ATXN1: variants seen among roughly 807,000 people sequenced by gnomAD.
ATXN1 encodes ataxin 1.
Under a neutral mutation model 56.4 loss-of-function variants are expected in ATXN1, and 8 were observed. The ratio of observed to expected loss-of-function variants is 0.14; its 90% CI spans 0.08 to 0.26. The LOEUF (loss-of-function observed/expected upper bound fraction) is 0.26, where lower values mean the gene tolerates loss of function less well. Among genes scored for constraint, ATXN1 ranks in the 10% least tolerant of loss-of-function variants. ATXN1 has a pLI of 1.00. For synonymous variants in ATXN1, 514 were observed against 494.6 expected (o/e 1.04, Z -0.52); for missense variants, 987 against 1,106.5 (o/e 0.89, Z 1.53).
At chr6:16,478,159 A>G (rs1760365490) in intron 6 of ATXN1, among the ~76,000 whole-genome samples, 1 of 152,214 alleles carries the variant, frequency 6.6e-6, no homozygotes, top group African/African-American at 2.4e-5. Flanking sequence ...TGTCCCCTAT[A>G]GCAAGTGACC....
At chr6:16,657,119 G>A (rs1758220768) in intron 3 of ATXN1, among the ~76,000 whole-genome samples, 1 of 151,322 alleles carries the variant, frequency 6.6e-6, no homozygotes, top group African/African-American at 2.4e-5. Context: ...AAGTAGCTGG[G>A]ACTACAAGCG....
At chr6:16,750,107 A>G (rs1340694943) in intron 2 of ATXN1, 1 of 152,220 alleles carries the variant, frequency 6.6e-6, no homozygotes, top group East Asian at 1.9e-4. Context: ...GTCTTTCCTG[A>G]TCACTCCTAC....
intron 3 of ATXN1, among the ~76,000 whole-genome samples, chr6:16,654,361 T>G (rs988009638): frequency 6.6e-6 from 1 of 152,024 alleles, no homozygotes; most frequent in African/African-American, 2.4e-5. Flanking sequence ...CTGGCCAACA[T>G]GGTGAAACCC....
intron 6 of ATXN1, among the ~76,000 whole-genome samples, chr6:16,467,199 C>T (rs1181571266): frequency 2.0e-5 from 3 of 152,142 alleles, no homozygotes; most frequent in Non-Finnish European, 2.9e-5. Context: ...ACTCTGGAGG[C>T]GCTTTCTTGA....
At chr6:16,390,299 T>C (rs1211264800) in intron 6 of ATXN1, among the ~76,000 whole-genome samples, 1 of 152,218 alleles carries the variant, frequency 6.6e-6, no homozygotes, top group Non-Finnish European at 1.5e-5. Context: ...TCAGTATCTG[T>C]TGTCCTATCA....
At chr6:16,590,776 C>CCT (rs1475331421) in intron 3 of ATXN1, among the ~76,000 whole-genome samples, 1 of 151,670 alleles carries the variant, frequency 6.6e-6, no homozygotes, top group East Asian at 1.9e-4. Context: ...CTCAGGTGGT[C>CCT]CTCTCACCTC....
intron 2 of ATXN1, among the ~76,000 whole-genome samples, chr6:16,714,673 T>C (rs890099779): frequency 1.3e-5 from 2 of 152,204 alleles, no homozygotes; most frequent in Non-Finnish European, 2.9e-5. Flanking sequence ...TACATTCCTT[T>C]GAAAGCTCTG....
intron 4 of ATXN1, among the ~76,000 whole-genome samples, chr6:16,528,033 G>C (rs1761427184): frequency 1.3e-5 from 2 of 152,094 alleles, no homozygotes; most frequent in Non-Finnish European, 2.9e-5. Context: ...GGGTGCTGTG[G>C]CTCATGCCTG....
intron 6 of ATXN1, among the ~76,000 whole-genome samples, chr6:16,435,466 G>C (rs1390132596): frequency 3.3e-5 from 5 of 152,032 alleles, no homozygotes; most frequent in Admixed American, 2.6e-4. Context: ...AGGAAGGAGG[G>C]GCCAGAAAGG....
intron 6 of ATXN1, among the ~76,000 whole-genome samples, chr6:16,436,624 G>A (rs749389287): frequency 6.6e-6 from 1 of 151,912 alleles, no homozygotes; most frequent in Non-Finnish European, 1.5e-5. Flanking sequence ...AGGTACCAAG[G>A]TCCTGGGGTG....
chr6:16,364,554 C>T (rs1424815882), intron 6 of ATXN1, among the ~76,000 whole-genome samples: 5 of 152,212 alleles, frequency 3.3e-5, no homozygotes, highest in Non-Finnish European at 7.3e-5. Flanking sequence ...CTGCCCGCCT[C>T]AGCCTCCCAA....
Position 16,327,633 on chromosome 6 carries a change from G to GTGCCGCTGCTGC in ATXN1, c.677_678insGCAGCAGCGGCA (p.Gln225_His226insGlnGlnGlnArg), listed in dbSNP as rs1760851336. On this transcript the variant is annotated inframe_insertion, in exon 7 of 8. Coordinates refer to ENST00000436367, the MANE Select transcript of ATXN1 (RefSeq NM_001128164.2). ...TGATGAGCCCCGGAGCCCTGCTGAG[G>GTGCCGCTGCTGC]TGCTGCTGCTGCTGCTGCTGCTGCT... 1.4e-6 allele frequency: 2 copies of GTGCCGCTGCTGC among 1,451,592 alleles called. No homozygotes were observed. The highest frequency in any genetic ancestry group is 1.9e-6 in the Non-Finnish European group (2 of 1,064,140). 89.9% of individuals were successfully genotyped at this position (1,451,592 alleles called of 1,614,324 possible).
chr6:16,359,780 C>T (rs941324418), intron 6 of ATXN1, among the ~76,000 whole-genome samples: 2 of 152,152 alleles, frequency 1.3e-5, no homozygotes, highest in African/African-American at 4.8e-5. Flanking sequence ...AAAGGCGTTG[C>T]GGCCACAGAA....
chr6:16,475,679 C>A (rs1760312243), intron 6 of ATXN1, among the ~76,000 whole-genome samples: 1 of 152,104 alleles, frequency 6.6e-6, no homozygotes, highest in South Asian at 2.1e-4. Context: ...TACTTTAAAT[C>A]TGATGCTGTT....
intron 7 of ATXN1, among the ~76,000 whole-genome samples, chr6:16,313,230 C>T (rs1407790417): frequency 6.6e-6 from 1 of 152,144 alleles, no homozygotes; most frequent in Non-Finnish European, 1.5e-5. Context: ...ATTTCTCTGG[C>T]TTTCCCAATA....
intron 2 of ATXN1, among the ~76,000 whole-genome samples, chr6:16,744,516 T>A (rs547482450): frequency 6.6e-6 from 1 of 151,834 alleles, no homozygotes; most frequent in Non-Finnish European, 1.5e-5. Flanking sequence ...AGGACAGGGC[T>A]CCCTGAGAAA....
chr6:16,431,908 AGCCT>A (rs1367266027), intron 6 of ATXN1, among the ~76,000 whole-genome samples: 1 of 152,224 alleles, frequency 6.6e-6, no homozygotes, highest in African/African-American at 2.4e-5. Context: ...CAGATTCCTT[AGCCT>A]GCTTTTCTGA....
rs1363318424 is a variant in ATXN1 at position 16,753,265 on chromosome 6, TGGA to T, written c.-650_-648del. ...GTGATGCACTTCCCTGTAGTGGCAG[TGGA>T]GGAGGAGATTGCTGTACAAGGATGA... On this transcript the variant is annotated 5_prime_UTR_variant, in exon 2 of 8. Coordinates refer to ENST00000436367, the MANE Select transcript of ATXN1 (RefSeq NM_001128164.2). The T allele has an allele frequency of 6.6e-6, 3 of 456,514 alleles. No individual in the cohort carries two copies. In the East Asian group the frequency reaches 2.1e-4, roughly 32 times the overall value. 28.3% of individuals were successfully genotyped at this position (456,514 alleles called of 1,614,324 possible). A position where few individuals can be genotyped will look rare whatever the true frequency, so the allele number is the denominator to read the frequency against.
intron 7 of ATXN1, among the ~76,000 whole-genome samples, chr6:16,318,126 C>T (rs893932934): frequency 2.0e-5 from 3 of 152,162 alleles, no homozygotes; most frequent in African/African-American, 7.2e-5. Flanking sequence ...TCTATATACA[C>T]ACATATGTAC....
Sources: gnomAD v4.1 joint callset for allele counts (sites outside exome capture counted in the v4.1 genomes callset) on GRCh38, gnomAD v4.1.1 for gene constraint, MANE v1.5 for transcripts, NCBI Gene and HGNC (gene_info 2026-07-23, HGNC 2026-07-21) for gene names.